The following PTAFR variants were observed in gnomAD, a reference collection of about 807,000 sequenced individuals.
PTAFR encodes the protein platelet-activating factor receptor.
Under a neutral mutation model 14.7 loss-of-function variants are expected in PTAFR, and 8 were observed. The observed-to-expected ratio is 0.54, with a 90% confidence interval of 0.32 to 0.98. PTAFR has a LOEUF of 0.98. Among genes scored for constraint, PTAFR ranks in the 50% least tolerant of loss-of-function variants. The pLI, the probability that PTAFR is intolerant of heterozygous loss-of-function variation, is 0.04. For missense variants in PTAFR, 337 were observed against 451.2 expected (o/e 0.75, Z 2.29); for synonymous variants, 156 against 176.5 (o/e 0.88, Z 0.92).
At chr1:28,180,334 C>A (rs1046166816), upstream of PTAFR, among the ~76,000 whole-genome samples, 1 of 152,068 alleles carries the variant, frequency 6.6e-6, no homozygotes, top group Non-Finnish European at 1.5e-5. Flanking sequence ...GAGCCAAGAT[C>A]AAGCCACTGC....
At chr1:28,173,280 T>A (rs1258958577) in intron 1 of PTAFR, among the ~76,000 whole-genome samples, 5 of 104,394 alleles carry the variant, frequency 4.8e-5, no homozygotes, top group African/African-American at 7.6e-5. Flanking sequence ...AGAGCAAGAC[T>A]GTGTCTCTTA....
intron 1 of PTAFR, among the ~76,000 whole-genome samples, chr1:28,170,435 G>A (rs1646440368): frequency 6.6e-6 from 1 of 152,142 alleles, no homozygotes; most frequent in South Asian, 2.1e-4. Context: ...CTGGAAAGGT[G>A]GCCCACATCT....
At chr1:28,186,092 C>T (rs1290549181) in intron 1 of PTAFR, among the ~76,000 whole-genome samples, 1 of 152,098 alleles carries the variant, frequency 6.6e-6, no homozygotes, top group Admixed American at 6.6e-5. Context: ...ATTCTCCCAC[C>T]CCAGCCTCCC....
chr1:28,170,835 C>T (rs1462147470), intron 1 of PTAFR, among the ~76,000 whole-genome samples: 1 of 151,426 alleles, frequency 6.6e-6, no homozygotes, highest in Non-Finnish European at 1.5e-5. Flanking sequence ...CCTGTCTCTA[C>T]TAAAAATACA....
Position 28,147,414 on chromosome 1 carries a change from CT to C in PTAFR, c.*2578del. On this transcript the variant is annotated 3_prime_UTR_variant, in exon 2 of 2. Coordinates refer to ENST00000373857, the MANE Select transcript of PTAFR (RefSeq NM_000952.5). ...GGCCTAAAGGAAGAGTGCTGGGCCC[CT>C]GGAGGACTGAGGGAAGCCGGCAGGT... The C allele has an allele frequency of 6.6e-6, 1 of 152,324 alleles. No homozygotes were observed. The highest frequency in any genetic ancestry group is 2.4e-5 in the African/African-American group (1 of 41,578). The allele number at this position is 152,324 out of a possible 1,614,324, so 9.4% of individuals were successfully genotyped here.
rs1168430249 is a variant in PTAFR at position 28,148,347 on chromosome 1, A to C, written c.*1646T>G. On this transcript the variant is annotated 3_prime_UTR_variant, in exon 2 of 2. Coordinates refer to ENST00000373857, the MANE Select transcript of PTAFR (RefSeq NM_000952.5). ...AGCTATGTTAGGAGGACCCTCCCAG[A>C]GGGCAAGGGAGGAGAGAACTGACAG... 1 of 152,222 alleles carries C rather than the reference A, an allele frequency of 6.6e-6. No homozygotes were observed. The highest frequency in any genetic ancestry group is 6.5e-5 in the Admixed American group (1 of 15,276). 9.4% of individuals were successfully genotyped at this position (152,222 alleles called of 1,614,324 possible). A position where few individuals can be genotyped will look rare whatever the true frequency, so the allele number is the denominator to read the frequency against.
chr1:28,168,210 A>G (rs933861910), intron 1 of PTAFR, among the ~76,000 whole-genome samples: 3 of 148,564 alleles, frequency 2.0e-5, no homozygotes, highest in Non-Finnish European at 4.4e-5. Flanking sequence ...TGACCTCGTG[A>G]TCCGCCCTCC....
upstream of PTAFR, among the ~76,000 whole-genome samples, chr1:28,181,333 C>A (rs1646561268): frequency 6.6e-6 from 1 of 152,194 alleles, no homozygotes; most frequent in East Asian, 1.9e-4. Flanking sequence ...GAAACCGAAA[C>A]AGAATCAGCA....
At chr1:28,164,251 G>A (rs1473918522) in intron 1 of PTAFR, among the ~76,000 whole-genome samples, 2 of 152,290 alleles carry the variant, frequency 1.3e-5, no homozygotes, top group South Asian at 2.1e-4. Context: ...ACATTTGTGG[G>A]GCCAGTTGAG....
intron 1 of PTAFR, among the ~76,000 whole-genome samples, chr1:28,160,613 T>G (rs1404722051): frequency 1.5e-5 from 2 of 136,210 alleles, no homozygotes; most frequent in African/African-American, 2.7e-5. Flanking sequence ...TGTGCCTGCA[T>G]GCTAATCTCT....
intron 1 of PTAFR, among the ~76,000 whole-genome samples, chr1:28,167,633 AT>A (rs780344665): frequency 8.2e-3 from 658 of 80,158 alleles, no homozygotes; most frequent in African/African-American, 0.021. Flanking sequence ...TGAAAACGGG[AT>A]TTTTTTTTTT....
intron 1 of PTAFR, among the ~76,000 whole-genome samples, chr1:28,152,610 G>A (rs952296847): frequency 6.6e-6 from 1 of 152,278 alleles, no homozygotes; most frequent in South Asian, 2.1e-4. Flanking sequence ...GGGCGTGGTG[G>A]CAGGCGCCTG....
chr1:28,165,526 G>A (rs551755404), intron 1 of PTAFR, among the ~76,000 whole-genome samples: 21 of 151,804 alleles, frequency 1.4e-4, no homozygotes, highest in African/African-American at 5.1e-4. Context: ...CCTCACGCCT[G>A]TAATCCCAGC....
intron 1 of PTAFR, among the ~76,000 whole-genome samples, chr1:28,153,968 C>T (rs1014148624): frequency 1.3e-5 from 2 of 150,540 alleles, no homozygotes; most frequent in African/African-American, 2.4e-5. Context: ...GTGGGAGGAT[C>T]GCTGGAGCCC....
intron 1 of PTAFR, among the ~76,000 whole-genome samples, chr1:28,153,866 A>C (rs1323298837): frequency 6.6e-6 from 1 of 151,532 alleles, no homozygotes; most frequent in Non-Finnish European, 1.5e-5. Flanking sequence ...CCAGACTGGG[A>C]GACAGATTGA....
intron 1 of PTAFR, among the ~76,000 whole-genome samples, chr1:28,155,663 G>C (rs1646256115): frequency 6.6e-6 from 1 of 152,106 alleles, no homozygotes; most frequent in Admixed American, 6.6e-5. Flanking sequence ...CCAGGGGTTT[G>C]AGACCAGCCT....
intron 1 of PTAFR, among the ~76,000 whole-genome samples, chr1:28,154,265 G>T (rs184102048): frequency 3.5e-4 from 54 of 152,238 alleles, no homozygotes; most frequent in Admixed American, 1.5e-3. Context: ...TGACTACGGG[G>T]TGGTTATATG....
chr1:28,167,202 G>A (rs116430271), intron 1 of PTAFR, among the ~76,000 whole-genome samples: 281 of 152,180 alleles, frequency 1.8e-3, no homozygotes, highest in African/African-American at 6.5e-3. Flanking sequence ...GCAACCTTTC[G>A]GATGGAACCA....
chr1:28,170,538 T>C (rs1191574411), intron 1 of PTAFR, among the ~76,000 whole-genome samples: 2 of 151,768 alleles, frequency 1.3e-5, no homozygotes, highest in Non-Finnish European at 2.9e-5. Flanking sequence ...ATTTTGTCTC[T>C]ACAAAATTAA....
Sources: allele counts gnomAD v4.1 joint callset (sites outside exome capture counted in the v4.1 genomes callset), GRCh38; gene constraint gnomAD v4.1.1; transcripts MANE v1.5; gene names NCBI Gene and HGNC (gene_info 2026-07-23, HGNC 2026-07-21).